PRR30: variants seen among roughly 807,000 people sequenced by gnomAD.
The protein encoded by PRR30 is proline rich 30, also known as proline-rich protein 30.
For missense variants in PRR30, 546 were observed against 525.3 expected (o/e 1.04, Z -0.39); for synonymous variants, 229 against 222.7 (o/e 1.03, Z -0.25).
rs759443606 is a variant in PRR30 at position 27,138,206 on chromosome 2, G to T, written c.124C>A (p.Gln42Lys). ...GGTGGTTGAGAGGGAGGGAGGCCCT[G>T]ATGGGGAGAGAGAGGCTGTAGGTTG... ...PHNLQPLSPH[Q>K]GLPPSQPPFS... Residue 42 changes from glutamine (Q) to lysine (K), a missense_variant, in exon 3 of 3, where the codon CAG becomes AAG. Gln to Lys is a moderately conservative substitution (Grantham distance 53). Transcript: ENST00000335524. 6 of 1,613,884 alleles carry T rather than the reference G, an allele frequency of 3.7e-6. No homozygotes were observed. Among genetic ancestry groups the T allele is most frequent in the Admixed American group, 3.3e-5 (2 of 59,980 alleles).
At position 27,137,959 on chromosome 2, in the gene PRR30, AGAGGGGGAGAG is replaced by A; in HGVS notation, c.360_370del (p.Ser121AspfsTer30). 1 of 1,610,000 alleles carries A rather than the reference AGAGGGGGAGAG, an allele frequency of 6.2e-7. No homozygotes were observed. On this transcript the variant is annotated frameshift_variant, in exon 3 of 3. Transcript: ENST00000335524. LOFTEE classifies it low-confidence loss of function (END_TRUNC). The surrounding 1 kb of genome is among the most constrained non-coding windows in gnomAD (Gnocchi z 4.3). ...CTGGGAGGGAGAAAAGGAAGGGGTCAGAGGGGGAGAGGGGTACAGCCAGTGGTTGGAGGGAG... is the reference window on the plus strand; with the variant it reads ...CTGGGAGGGAGAAAAGGAAGGGGTCAGGGTACAGCCAGTGGTTGGAGGGAG...
rs763832661 is a variant in PRR30 at position 27,137,068 on chromosome 2, A to T, written c.*23T>A. On this transcript the variant is annotated 3_prime_UTR_variant, in exon 3 of 3. Transcript: ENST00000335524. This position sits in a 1 kb window ranked among gnomAD's most constrained non-coding sequence, Gnocchi z 4.3. ...GGGTTGGGTTTGGAGGGGGTGTTCCAGGGGGCCTCCGTGGCTCTGGAACTA... is the reference window on the plus strand; with the variant it reads ...GGGTTGGGTTTGGAGGGGGTGTTCCTGGGGGCCTCCGTGGCTCTGGAACTA... 11 of 1,605,912 alleles carry T rather than the reference A, an allele frequency of 6.8e-6. No individual in the cohort carries two copies. Among genetic ancestry groups the T allele is most frequent in the Admixed American group, 5.0e-5 (3 of 59,550 alleles).
chr2:27,137,188 G>A lies in PRR30; in HGVS notation c.1142C>T (p.Ala381Val). 6.2e-7 allele frequency: 1 copy of A among 1,614,216 alleles called. No homozygotes were observed. Among genetic ancestry groups the A allele is most frequent in the Non-Finnish European group, 8.5e-7 (1 of 1,180,028 alleles). Residue 381 changes from alanine (A) to valine (V), a missense_variant, in exon 3 of 3, where the codon GCA becomes GTA. Coordinates refer to ENST00000335524, the MANE Select transcript of PRR30 (RefSeq NM_178553.4). The surrounding 1 kb of genome is among the most constrained non-coding windows in gnomAD (Gnocchi z 4.3). The stretch of plus-strand genomic sequence containing the variant: ...CAGGGAGGTAGTGACCTGTTTTGGT[G>A]CCCGAGGTGGAGGCCCGGAGAAACA... ...PRCFSGPPPRAPKQVTTSLKP... is the reference protein window; with the variant it reads ...PRCFSGPPPRVPKQVTTSLKP...
In PRR30 at chr2:27,137,304, TG is replaced by T. The variant is rs1462613392; in HGVS notation, c.1025del (p.Ala342GlufsTer48). The part of the protein sequence containing the change: ...GHQLPASQPP[A>X]AQARADPVPG... ...GGACTGGGTCGGCCCGGGCCTGAGC[TG>T]CTGGAGGCTGAGATGCTGGCAATTG... On this transcript the variant is annotated frameshift_variant, in exon 3 of 3. Transcript: ENST00000335524. LOFTEE classifies it low-confidence loss of function (END_TRUNC). This position sits in a 1 kb window ranked among gnomAD's most constrained non-coding sequence, Gnocchi z 4.3. 6.2e-7 allele frequency: 1 copy of T among 1,614,236 alleles called. No homozygotes were observed. The highest frequency in any genetic ancestry group is 2.2e-5 in the East Asian group (1 of 44,882).
rs1672556543 is a variant in PRR30 at position 27,138,571 on chromosome 2, C to T, written c.-242G>A. ...GCATGAATCTAAGCTTGGCTTCTCA[C>T]TTCTTTGCAGTCAACCATTGATGAG... On this transcript the variant is annotated 5_prime_UTR_variant, in exon 3 of 3. It adds an upstream start codon to the 5' untranslated region. Transcript: ENST00000335524. 1 of 635,982 alleles carries T rather than the reference C, an allele frequency of 1.6e-6. No homozygotes were observed. The highest frequency in any genetic ancestry group is 3.6e-5 in the Admixed American group (1 of 28,000). 39.4% of individuals were successfully genotyped at this position (635,982 alleles called of 1,614,324 possible). A position where few individuals can be genotyped will look rare whatever the true frequency, so the allele number is the denominator to read the frequency against.
In PRR30 at chr2:27,138,246, C is replaced by T. The variant is rs758466896; in HGVS notation, c.84G>A (p.Val28=). ...GRPTWGFSQL[V]DSSPHNLQPL... is the part of the protein sequence containing the mutation. ...GCTGTAGGTTGTGAGGAGAGGAGTC[C>T]ACAAGTTGTGAGAAGCCCCAAGTGG... is the stretch of plus-strand genomic sequence containing the variant. The change falls in exon 3 of 3, where the codon GTG becomes GTA. Residue 28 remains valine, a synonymous_variant. Transcript: ENST00000335524. 3 of 1,613,916 alleles carry T rather than the reference C, an allele frequency of 1.9e-6. No individual in the cohort carries two copies. Among genetic ancestry groups the T allele is most frequent in the Non-Finnish European group, 1.7e-6 (2 of 1,179,984 alleles).
In PRR30 at chr2:27,138,360, A is replaced by G. The variant is rs1672553836; in HGVS notation, c.-31T>C. 3 of 1,559,962 alleles carry G rather than the reference A, an allele frequency of 1.9e-6. No individual in the cohort carries two copies. Among genetic ancestry groups the G allele is most frequent in the Non-Finnish European group, 2.6e-6 (3 of 1,154,508 alleles). ...TGAATCCAGAAGGAACTGGGGCAAC[A>G]AGACTAGGGATAAGAGACCTGGCAG... On this transcript the variant is annotated 5_prime_UTR_variant, in exon 3 of 3. Coordinates refer to ENST00000335524, the MANE Select transcript of PRR30 (RefSeq NM_178553.4).
At position 27,136,945 on chromosome 2, in the gene PRR30, G is replaced by A; in HGVS notation, c.*146C>T. Reference sequence around the variant, plus strand: ...CTGGAGACAGCAGACTCCACAAGGGGCTCCCAGGGTTCAGAGCAGGAGAAC... The same window carrying A: ...CTGGAGACAGCAGACTCCACAAGGGACTCCCAGGGTTCAGAGCAGGAGAAC... On this transcript the variant is annotated 3_prime_UTR_variant, in exon 3 of 3. Transcript: ENST00000335524. 8 of 1,166,242 alleles carry A rather than the reference G, an allele frequency of 6.9e-6. No homozygotes were observed. The highest frequency in any genetic ancestry group is 8.2e-6 in the Non-Finnish European group (7 of 852,530). 72.2% of individuals were successfully genotyped at this position (1,166,242 alleles called of 1,614,324 possible). A position where few individuals can be genotyped will look rare whatever the true frequency, so the allele number is the denominator to read the frequency against.
rs535804301 is a variant in PRR30 at position 27,136,966 on chromosome 2, A to G, written c.*125T>C. On this transcript the variant is annotated 3_prime_UTR_variant, in exon 3 of 3. Coordinates refer to ENST00000335524, the MANE Select transcript of PRR30 (RefSeq NM_178553.4). ...AGGGGCTCCCAGGGTTCAGAGCAGG[A>G]GAACACACCTGACCTCCGGCCAGCC... The G allele has an allele frequency of 7.5e-7, 1 of 1,326,590 alleles. No individual in the cohort carries two copies. Among genetic ancestry groups the G allele is most frequent in the East Asian group, 2.5e-5 (1 of 39,840 alleles). 82.2% of individuals were successfully genotyped at this position (1,326,590 alleles called of 1,614,324 possible). A position where few individuals can be genotyped will look rare whatever the true frequency, so the allele number is the denominator to read the frequency against.
chr2:27,137,033 C>G lies in PRR30; in HGVS notation c.*58G>C. ...TCGGGGACTCCCCGAGATCTGGGGC[C>G]TGGTTGGGAGGGTTGGGTTTGGAGG... is the stretch of plus-strand genomic sequence containing the variant. On this transcript the variant is annotated 3_prime_UTR_variant, in exon 3 of 3. Coordinates refer to ENST00000335524, the MANE Select transcript of PRR30 (RefSeq NM_178553.4). This position sits in a 1 kb window ranked among gnomAD's most constrained non-coding sequence, Gnocchi z 4.3. 1 of 1,569,428 alleles carries G rather than the reference C, an allele frequency of 6.4e-7. No individual in the cohort carries two copies. The highest frequency in any genetic ancestry group is 8.6e-7 in the Non-Finnish European group (1 of 1,158,370).
Position 27,137,960 on chromosome 2 carries a change from GA to G in PRR30, c.369del (p.Leu124Ter), listed in dbSNP as rs1223099708. ...PSNHWLYPSPPLTPSFSPSQP... is the reference protein window; with the variant it reads ...PSNHWLYPSPXLTPSFSPSQP... ...TGGGAGGGAGAAAAGGAAGGGGTCA[GA>G]GGGGGAGAGGGGTACAGCCAGTGGT... On this transcript the variant is annotated frameshift_variant, in exon 3 of 3. Transcript: ENST00000335524. LOFTEE classifies it low-confidence loss of function (END_TRUNC). This position sits in a 1 kb window ranked among gnomAD's most constrained non-coding sequence, Gnocchi z 4.3. 2.5e-6 allele frequency: 4 copies of G among 1,610,562 alleles called. No individual in the cohort carries two copies. The African/African-American group carries it at 5.3e-5, about 22-fold the overall frequency.
chr2:27,137,286 G>C lies in PRR30; in HGVS notation c.1044C>G (p.Asp348Glu), dbSNP rs780153697. The C allele has an allele frequency of 6.2e-7, 1 of 1,614,222 alleles. No individual in the cohort carries two copies. The highest frequency in any genetic ancestry group is 8.5e-7 in the Non-Finnish European group (1 of 1,180,044). The change falls in exon 3 of 3, where the codon GAC becomes GAG. Residue 348 changes from aspartate (D) to glutamate (E), a missense_variant. By Grantham distance (45) the Asp-to-Glu change is conservative. Transcript: ENST00000335524. This position sits in a 1 kb window ranked among gnomAD's most constrained non-coding sequence, Gnocchi z 4.3. ...SQPPAAQARA[D>E]PVPGTPSQTR... Reference sequence around the variant, plus strand: ...TCTGGGAGGGTGTGCCTGGGACTGGGTCGGCCCGGGCCTGAGCTGCTGGAG... The same window carrying C: ...TCTGGGAGGGTGTGCCTGGGACTGGCTCGGCCCGGGCCTGAGCTGCTGGAG...
Position 27,137,976 on chromosome 2 carries a change from C to T in PRR30, c.354G>A (p.Leu118=), listed in dbSNP as rs772371217. The stretch of plus-strand genomic sequence containing the variant: ...AAGGGGTCAGAGGGGGAGAGGGGTA[C>T]AGCCAGTGGTTGGAGGGAGAGGATG... ...PRASSPSNHW[L]YPSPPLTPSF... The change falls in exon 3 of 3, where the codon CTG becomes CTA. Residue 118 remains leucine (L), a synonymous_variant. Coordinates refer to ENST00000335524, the MANE Select transcript of PRR30 (RefSeq NM_178553.4). This position sits in a 1 kb window ranked among gnomAD's most constrained non-coding sequence, Gnocchi z 4.3. 6.2e-7 allele frequency: 1 copy of T among 1,610,552 alleles called. No homozygotes were observed. Among genetic ancestry groups the T allele is most frequent in the South Asian group, 1.1e-5 (1 of 90,726 alleles).
rs755625236 is a variant in PRR30 at position 27,137,060 on chromosome 2, G to T, written c.*31C>A. The stretch of plus-strand genomic sequence containing the variant: ...GGTTGGGAGGGTTGGGTTTGGAGGG[G>T]GTGTTCCAGGGGGCCTCCGTGGCTC... On this transcript the variant is annotated 3_prime_UTR_variant, in exon 3 of 3. Coordinates refer to ENST00000335524, the MANE Select transcript of PRR30 (RefSeq NM_178553.4). This position sits in a 1 kb window ranked among gnomAD's most constrained non-coding sequence, Gnocchi z 4.3. 8 of 1,602,206 alleles carry T rather than the reference G, an allele frequency of 5.0e-6. No individual in the cohort carries two copies. Among genetic ancestry groups the T allele is most frequent in the East Asian group, 2.2e-5 (1 of 44,696 alleles).
In PRR30 at chr2:27,138,696, T is replaced by A. The variant is rs985753304; in HGVS notation, c.-365-2A>T. The A allele has an allele frequency of 2.9e-5, 7 of 240,378 alleles. No homozygotes were observed. Among genetic ancestry groups the A allele is most frequent in the Non-Finnish European group, 6.1e-5 (7 of 114,426 alleles). The allele number at this position is 240,378 out of a possible 1,614,324, so 14.9% of individuals were successfully genotyped here. ...AGAGGAAGACAAAGCCCATAGGACCTGGAGAGAAAAGAGAGAACCCAAGAC... is the reference window on the plus strand; with the variant it reads ...AGAGGAAGACAAAGCCCATAGGACCAGGAGAGAAAAGAGAGAACCCAAGAC... On this transcript the variant is annotated splice_acceptor_variant, in intron 2 of 2. Transcript: ENST00000335524. LOFTEE classifies it low-confidence loss of function (5UTR_SPLICE).
Position 27,136,988 on chromosome 2 carries a change from A to G in PRR30, c.*103T>C, listed in dbSNP as rs1259164523. 6.9e-6 allele frequency: 10 copies of G among 1,452,928 alleles called. No individual in the cohort carries two copies. Among genetic ancestry groups the G allele is most frequent in the East Asian group, 2.4e-5 (1 of 40,934 alleles). The allele number at this position is 1,452,928 out of a possible 1,614,324, so 90.0% of individuals were successfully genotyped here. On this transcript the variant is annotated 3_prime_UTR_variant, in exon 3 of 3. Coordinates refer to ENST00000335524, the MANE Select transcript of PRR30 (RefSeq NM_178553.4). Reference sequence around the variant, plus strand: ...AGGAGAACACACCTGACCTCCGGCCAGCCAGCCCTTCAGGGTGTCTCGGGG... The same window carrying G: ...AGGAGAACACACCTGACCTCCGGCCGGCCAGCCCTTCAGGGTGTCTCGGGG...
In PRR30 at chr2:27,138,438, T is replaced by C; in HGVS notation, c.-109A>G. The C allele has an allele frequency of 6.8e-7, 1 of 1,475,282 alleles. No individual in the cohort carries two copies. Among genetic ancestry groups the C allele is most frequent in the Non-Finnish European group, 9.0e-7 (1 of 1,114,524 alleles). The allele number at this position is 1,475,282 out of a possible 1,614,324, so 91.4% of individuals were successfully genotyped here. A position where few individuals can be genotyped will look rare whatever the true frequency, so the allele number is the denominator to read the frequency against. On this transcript the variant is annotated 5_prime_UTR_variant, in exon 3 of 3. Coordinates refer to ENST00000335524, the MANE Select transcript of PRR30 (RefSeq NM_178553.4). ...CTGTGCCTGAGAAATCAAGGCCACC[T>C]TCTGTGCGCAGAGCGTGGCTCCAGC...
intron 2 of PRR30, 35 bp from the exon 3 acceptor site, chr2:27,138,729 G>C (rs1191583702): frequency 5.0e-6 from 1 of 199,486 alleles, no homozygotes; most frequent in African/African-American, 2.3e-5. Context: ...GACATTGGGA[G>C]AATTGGTCCA....
In PRR30 at chr2:27,137,134, C is replaced by A. The variant is rs1226829511; in HGVS notation, c.1196G>T (p.Arg399Met). Residue 399 changes from arginine (R) to methionine (M), a missense_variant, in exon 3 of 3, where the codon AGG becomes ATG. By Grantham distance (91) the Arg-to-Met change is moderately conservative (BLOSUM62 -1). Coordinates refer to ENST00000335524, the MANE Select transcript of PRR30 (RefSeq NM_178553.4). This position sits in a 1 kb window ranked among gnomAD's most constrained non-coding sequence, Gnocchi z 4.3. ...LKPRPCPGPK[R>M]PVSLELILQK... ...GAGAATGAGCTCCAGAGAAACTGGC[C>A]TCTTTGGGCCAGGGCAAGGCCTGGG... 1 of 1,614,158 alleles carries A rather than the reference C, an allele frequency of 6.2e-7. No individual in the cohort carries two copies. The highest frequency in any genetic ancestry group is 2.2e-5 in the East Asian group (1 of 44,886).
Sources: allele counts gnomAD v4.1 joint callset, GRCh38; gene constraint gnomAD v4.1.1; non-coding constraint Gnocchi (gnomAD v3.1); transcripts MANE v1.5; gene names NCBI Gene and HGNC (gene_info 2026-07-23, HGNC 2026-07-21).